APELA: variants seen among roughly 807,000 people sequenced by gnomAD.
APELA encodes the protein apelin receptor early endogenous ligand.
At chr4:164,892,090 T>C (rs1005548074) in intron 2 of APELA, among the ~76,000 whole-genome samples, 1 of 152,056 alleles carries the variant, frequency 6.6e-6, no homozygotes, top group African/African-American at 2.4e-5. Flanking sequence ...GGGGGCAGAT[T>C]GCTTGAGTCA....
chr4:164,889,200 G>A (rs1481513354), intron 2 of APELA, among the ~76,000 whole-genome samples: 1 of 151,902 alleles, frequency 6.6e-6, no homozygotes, highest in African/African-American at 2.4e-5. Flanking sequence ...TGAGGGTGGG[G>A]GATATGTGGG....
rs5863729 is a variant in APELA, at chr4:164,884,121, G to GAAAGGA, written c.*1+5113_*1+5114insAAGGAA. ...AGAAAGAATGAAAGAAAGAAAGAAA[G>GAAAGGA]AGAAAGAAAGAAAGAAAGAAAGAAA... On this transcript the variant is annotated intron_variant, in intron 2 of 2. Transcript: ENST00000507152. 3.2e-4 allele frequency among the ~76,000 whole-genome samples: 36 copies of GAAAGGA among 113,378 alleles called. 1 individual carries two copies. The highest frequency in any genetic ancestry group is 1.1e-3 in the African/African-American group (29 of 26,788). 74.4% of individuals were successfully genotyped at this position (113,378 alleles called of 152,430 possible).
At chr4:164,888,702 TC>T (rs928049292) in intron 2 of APELA, among the ~76,000 whole-genome samples, 1 of 152,224 alleles carries the variant, frequency 6.6e-6, no homozygotes, top group Non-Finnish European at 1.5e-5. Flanking sequence ...CCTTCACACC[TC>T]CACTTTTGCT....
rs773442704 is a variant in APELA, at chr4:164,895,466, G to A, written c.*52G>A. The A allele has an allele frequency of 1.3e-5, 2 of 152,134 alleles. No homozygotes were observed. Among genetic ancestry groups the A allele is most frequent in the African/African-American group, 4.8e-5 (2 of 41,410 alleles). The allele number at this position is 152,134 out of a possible 1,614,324, so 9.4% of individuals were successfully genotyped here. ...CTATCAGAAGAAGAAGAGGAGTGAA[G>A]GAAAGACACCCAGCCACACAAAAGA... On this transcript the variant is annotated 3_prime_UTR_variant, in exon 3 of 3. Transcript: ENST00000507152.
intron 2 of APELA, among the ~76,000 whole-genome samples, chr4:164,884,635 T>C (rs1730733786): frequency 6.6e-6 from 1 of 152,138 alleles, no homozygotes; most frequent in Non-Finnish European, 1.5e-5. Context: ...CACAGCTCAC[T>C]CTCTGGTGAT....
chr4:164,887,481 C>G (rs1730796549), intron 2 of APELA, among the ~76,000 whole-genome samples: 1 of 152,144 alleles, frequency 6.6e-6, no homozygotes, highest in African/African-American at 2.4e-5. Flanking sequence ...CACACATATA[C>G]ACATCCACAT....
chr4:164,883,203 G>A (rs2111053627), intron 2 of APELA, among the ~76,000 whole-genome samples: 1 of 152,258 alleles, frequency 6.6e-6, no homozygotes, highest in Admixed American at 6.5e-5. Flanking sequence ...TCTGCTTTCA[G>A]CATAGAATCT....
chr4:164,885,568 C>A (rs954579263), intron 2 of APELA, among the ~76,000 whole-genome samples: 3 of 151,926 alleles, frequency 2.0e-5, no homozygotes, highest in African/African-American at 4.8e-5. Context: ...CAGTGAAATG[C>A]CATCTCTACT....
chr4:164,886,918 C>G (rs7682165), intron 2 of APELA, among the ~76,000 whole-genome samples: 58,130 of 151,592 alleles, frequency 0.38, 11,610 homozygotes, highest in South Asian at 0.47. Flanking sequence ...CTCCACCTCC[C>G]AGGTTCAAGC....
intron 2 of APELA, among the ~76,000 whole-genome samples, chr4:164,891,577 T>C (rs1364732978): frequency 6.6e-6 from 1 of 152,168 alleles, no homozygotes; most frequent in East Asian, 1.9e-4. Context: ...TTTCTTAATT[T>C]CATTTTTGAA....
chr4:164,883,026 G>A (rs111301350), intron 2 of APELA, among the ~76,000 whole-genome samples: 134 of 152,152 alleles, frequency 8.8e-4, no homozygotes, highest in African/African-American at 3.1e-3. Flanking sequence ...TTCAAGCTTT[G>A]CTTCTAGTTT....
At position 164,895,646 on chromosome 4, in the gene APELA, C is replaced by A. The variant is rs1308444680; in HGVS notation, c.*232C>A. ...AACATAAATTCAAAAGGATTCCAAT[C>A]TGAAGCCCAAATCGTTTGCCTACAT... On this transcript the variant is annotated 3_prime_UTR_variant, in exon 3 of 3. Transcript: ENST00000507152. The A allele has an allele frequency of 6.6e-6, 1 of 152,212 alleles. No homozygotes were observed. Among genetic ancestry groups the A allele is most frequent in the Non-Finnish European group, 1.5e-5 (1 of 68,022 alleles). 9.4% of individuals were successfully genotyped at this position (152,212 alleles called of 1,614,324 possible).
intron 2 of APELA, among the ~76,000 whole-genome samples, chr4:164,892,595 T>C (rs1367435683): frequency 6.6e-6 from 1 of 152,196 alleles, no homozygotes; most frequent in African/African-American, 2.4e-5. Flanking sequence ...TTTCTTATGA[T>C]GTCTTTTTCT....
chr4:164,895,284 T>G (rs1156451045), intron 2 of APELA, 132 bp from the exon 3 acceptor site: 1 of 152,210 alleles, frequency 6.6e-6, no homozygotes, highest in Non-Finnish European at 1.5e-5. Context: ...TATATAAAGT[T>G]GCTTTCAGCA....
At chr4:164,884,283 C>T (rs531311570) in intron 2 of APELA, among the ~76,000 whole-genome samples, 1 of 152,218 alleles carries the variant, frequency 6.6e-6, no homozygotes, top group Admixed American at 6.5e-5. Flanking sequence ...TCTCTAGCGA[C>T]CAGCCCATGT....
rs1033410450 is a variant in APELA at position 164,897,255 on chromosome 4, C to A, written c.*1841C>A. ...TCAAAGCTTATTAAAAGTGTCTTTG[C>A]GGATGAATGGTACTTTCCACAAGTG... On this transcript the variant is annotated 3_prime_UTR_variant, in exon 3 of 3. Transcript: ENST00000507152. The A allele has an allele frequency of 6.6e-6, 1 of 152,146 alleles. No homozygotes were observed. Among genetic ancestry groups the A allele is most frequent in the Non-Finnish European group, 1.5e-5 (1 of 68,030 alleles). 9.4% of individuals were successfully genotyped at this position (152,146 alleles called of 1,614,324 possible).
At chr4:164,882,797 C>A (rs1265555732) in intron 2 of APELA, among the ~76,000 whole-genome samples, 1 of 151,968 alleles carries the variant, frequency 6.6e-6, no homozygotes, top group East Asian at 1.9e-4. Context: ...CTTCCTGTGT[C>A]CATGGGTTCT....
chr4:164,877,223 G>C lies in APELA; in HGVS notation c.-109G>C, dbSNP rs1730571121. 2.5e-6 allele frequency: 1 copy of C among 396,100 alleles called. No individual in the cohort carries two copies. Among genetic ancestry groups the C allele is most frequent in the South Asian group, 1.4e-4 (1 of 7,356 alleles). 24.5% of individuals were successfully genotyped at this position (396,100 alleles called of 1,614,324 possible). ...TGCAAAACACAGCTGGCAGTTCTCTGAGGTTTGTCACTAGAATGTGAAGAC... is the reference window on the plus strand; with the variant it reads ...TGCAAAACACAGCTGGCAGTTCTCTCAGGTTTGTCACTAGAATGTGAAGAC... On this transcript the variant is annotated 5_prime_UTR_variant, in exon 1 of 3. Transcript: ENST00000507152.
chr4:164,882,267 C>T (rs1730667434), intron 2 of APELA, among the ~76,000 whole-genome samples: 1 of 151,892 alleles, frequency 6.6e-6, no homozygotes, highest in South Asian at 2.1e-4. Flanking sequence ...CCATACTCGG[C>T]TAATTTTGTA....
Sources: gnomAD v4.1 joint callset for allele counts (sites outside exome capture counted in the v4.1 genomes callset) on GRCh38, gnomAD v4.1.1 for gene constraint, MANE v1.5 for transcripts, NCBI Gene and HGNC (gene_info 2026-07-23, HGNC 2026-07-21) for gene names.